The following STK32B variants were observed in gnomAD, a reference collection of about 807,000 sequenced individuals.
STK32B encodes the protein serine/threonine-protein kinase 32B.
In STK32B, 43 loss-of-function variants were observed where a neutral mutation model predicts 52.6. That is an observed-to-expected ratio of 0.82 (90% CI 0.64 to 1.05). STK32B has a LOEUF of 1.05. STK32B is among the 50% of genes least tolerant of loss of function. The pLI is 0.00. For synonymous variants in STK32B, 238 were observed against 204.3 expected (o/e 1.17, Z -1.41); for missense variants, 621 against 534.6 (o/e 1.16, Z -1.59).
chr4:5,364,272 T>G (rs1445214920), intron 4 of STK32B, among the ~76,000 whole-genome samples: 1 of 152,202 alleles, frequency 6.6e-6, no homozygotes, highest in African/African-American at 2.4e-5. Context: ...CAAGCCAGTT[T>G]AAGAAAAAAT....
chr4:5,041,638 G>A, the STK32B span, among the ~76,000 whole-genome samples: 2 of 152,024 alleles, frequency 1.3e-5, no homozygotes, highest in Non-Finnish European at 2.9e-5. Flanking sequence ...AGCACTCAAC[G>A]CACACACACG....
intron 1 of STK32B, among the ~76,000 whole-genome samples, chr4:5,073,194 C>T (rs1711880023): frequency 6.6e-6 from 1 of 151,856 alleles, no homozygotes; most frequent in Non-Finnish European, 1.5e-5. Flanking sequence ...TACCACCTTG[C>T]TCTCTGTTTT....
intron 6 of STK32B, chr4:5,437,975 G>A: frequency 1.0e-6 from 1 of 985,538 alleles, no homozygotes; most frequent in Non-Finnish European, 1.2e-6. Context: ...CTCTAGGACT[G>A]CAGACATTTG....
intron 9 of STK32B, among the ~76,000 whole-genome samples, chr4:5,465,335 G>C (rs922719146): frequency 1.3e-5 from 2 of 152,086 alleles, no homozygotes; most frequent in Admixed American, 1.3e-4. Flanking sequence ...TAGAGGTTTA[G>C]GGAGTTCCTG....
rs200396998 is a variant in STK32B, at chr4:5,171,231, C to G, written c.260+2781C>G. On this transcript the variant is annotated intron_variant, in intron 3 of 11. Coordinates refer to ENST00000282908, the MANE Select transcript of STK32B (RefSeq NM_018401.3). ...AGCCCTTTGTCAGATGAGTAGGTTG[C>G]GAAAATTTTCTCCCATTCTGTAGGT... Among the ~76,000 whole-genome samples the G allele has an allele frequency of 4.2e-3, 642 of 151,984 alleles. 6 individuals are homozygous for G. Among genetic ancestry groups the G allele is most frequent in the African/African-American group, 0.013 (526 of 41,446 alleles).
chr4:5,433,468 A>G (rs1033021454), intron 6 of STK32B, among the ~76,000 whole-genome samples: 1 of 152,116 alleles, frequency 6.6e-6, no homozygotes, highest in Non-Finnish European at 1.5e-5. Flanking sequence ...AACTGGAGAC[A>G]TGGTCTTGCC....
intron 3 of STK32B, among the ~76,000 whole-genome samples, chr4:5,275,805 G>T (rs1477517562): frequency 1.3e-5 from 2 of 152,054 alleles, no homozygotes; most frequent in Non-Finnish European, 1.5e-5. Context: ...TGGTGCCGAG[G>T]TCACTGGTGG....
chr4:5,316,266 A>T (rs1419791396), intron 3 of STK32B, among the ~76,000 whole-genome samples: 6 of 74,752 alleles, frequency 8.0e-5, no homozygotes, highest in South Asian at 3.2e-4. Flanking sequence ...TATATTATAT[A>T]GTATATATAA....
chr4:5,415,762 G>C (rs947253323), intron 5 of STK32B, among the ~76,000 whole-genome samples: 1 of 151,542 alleles, frequency 6.6e-6, no homozygotes, highest in South Asian at 2.1e-4. Context: ...GAGATTAGAG[G>C]GTGGTATGTT....
chr4:5,151,914 C>T (rs1160211743), intron 2 of STK32B, among the ~76,000 whole-genome samples: 1 of 152,130 alleles, frequency 6.6e-6, no homozygotes, highest in Admixed American at 6.6e-5. Flanking sequence ...GAACACCGCC[C>T]CCTCCTCATG....
chr4:5,276,099 G>A (rs990107911), intron 3 of STK32B, among the ~76,000 whole-genome samples: 1 of 151,990 alleles, frequency 6.6e-6, no homozygotes, highest in African/African-American at 2.4e-5. Flanking sequence ...GACCAGCCTG[G>A]CCAACTTGGA....
chr4:5,193,740 C>T (rs1721419626), intron 3 of STK32B, among the ~76,000 whole-genome samples: 1 of 152,224 alleles, frequency 6.6e-6, no homozygotes, highest in African/African-American at 2.4e-5. Flanking sequence ...AAGGTGATGA[C>T]ACGAGGGCCA....
chr4:5,392,672 G>A (rs1306704685), intron 4 of STK32B, among the ~76,000 whole-genome samples: 2 of 152,104 alleles, frequency 1.3e-5, no homozygotes, highest in Non-Finnish European at 2.9e-5. Flanking sequence ...CTGACCCTCT[G>A]TAAATAGTTC....
At chr4:5,492,295 A>T (rs544085310) in intron 11 of STK32B, among the ~76,000 whole-genome samples, 2 of 152,110 alleles carry the variant, frequency 1.3e-5, no homozygotes, top group South Asian at 4.1e-4. Flanking sequence ...GGTCCTTCAC[A>T]TCCCTTGTAA....
chr4:5,275,799 G>A (rs1238955636), intron 3 of STK32B, among the ~76,000 whole-genome samples: 3 of 152,068 alleles, frequency 2.0e-5, no homozygotes, highest in African/African-American at 7.3e-5. Context: ...TGCTGGTGGT[G>A]CCGAGGTCAC....
rs373075226 is a variant in STK32B at position 5,447,076 on chromosome 4, A to C, written c.666+300A>C. ...GCGCCTTGGCCTCGTGGTTTCAAAC[A>C]CTGTCCTCTTTGAACCCACAACACA... On this transcript the variant is annotated intron_variant, in intron 7 of 11. Coordinates refer to ENST00000282908, the MANE Select transcript of STK32B (RefSeq NM_018401.3). 9.1e-4 allele frequency: 235 copies of C among 257,388 alleles called. 2 individuals carry two copies. The highest frequency in any genetic ancestry group is 8.4e-3 in the South Asian group (108 of 12,800). The allele number at this position is 257,388 out of a possible 1,614,324, so 15.9% of individuals were successfully genotyped here.
At chr4:5,156,529 G>A (rs950320233) in intron 2 of STK32B, among the ~76,000 whole-genome samples, 29 of 152,298 alleles carry the variant, frequency 1.9e-4, no homozygotes, top group African/African-American at 6.7e-4. Context: ...GCCAGCAGGA[G>A]CGTCCACGGT....
At chr4:5,228,076 C>T (rs753167282) in intron 3 of STK32B, among the ~76,000 whole-genome samples, 2 of 152,030 alleles carry the variant, frequency 1.3e-5, no homozygotes, top group Non-Finnish European at 2.9e-5. Context: ...CAAGAATATT[C>T]CAAGAATAAA....
At chr4:5,052,043 C>A in intron 1 of STK32B, 128 bp downstream of exon 1, 1 of 1,385,652 alleles carries the variant, frequency 7.2e-7, no homozygotes, top group Non-Finnish European at 1.0e-6. Flanking sequence ...CTTCGCCCAG[C>A]GAATGCAGTG....
Sources: gnomAD v4.1 joint callset for allele counts (sites outside exome capture counted in the v4.1 genomes callset) on GRCh38, gnomAD v4.1.1 for gene constraint, MANE v1.5 for transcripts, NCBI Gene and HGNC (gene_info 2026-07-23, HGNC 2026-07-21) for gene names.